Variants in ZHX2 observed in about 807,000 individuals in gnomAD.
ZHX2 encodes zinc fingers and homeoboxes protein 2.
ZHX2 carries 6 observed loss-of-function variants against 21.9 expected under a neutral mutation model. The observed-to-expected ratio is 0.27, with a 90% CI of 0.15 to 0.54. The LOEUF is 0.54. Among genes scored for constraint, ZHX2 ranks in the 20% least tolerant of loss-of-function variants. The pLI, the probability that ZHX2 is intolerant of heterozygous loss-of-function variation, is 0.95. For synonymous variants in ZHX2, 434 were observed against 437.1 expected (o/e 0.99, Z 0.09); for missense variants, 908 against 1,090.7 (o/e 0.83, Z 2.36).
At chr8:122,886,648 C>T (rs776700709) in intron 2 of ZHX2, among the ~76,000 whole-genome samples, 3 of 151,970 alleles carry the variant, frequency 2.0e-5, no homozygotes, top group Non-Finnish European at 2.9e-5. Flanking sequence ...AAAATCAAAG[C>T]GTATTAATTT....
chr8:122,873,737 G>T (rs1481936655), intron 2 of ZHX2, among the ~76,000 whole-genome samples: 4 of 152,186 alleles, frequency 2.6e-5, no homozygotes, highest in African/African-American at 9.6e-5. Flanking sequence ...TCACTGAGCT[G>T]AAGGTGACAA....
intron 2 of ZHX2, among the ~76,000 whole-genome samples, chr8:122,902,263 T>A (rs1315018088): frequency 6.6e-6 from 1 of 152,196 alleles, no homozygotes; most frequent in Non-Finnish European, 1.5e-5. Context: ...TGAGTAAGAT[T>A]GAGTCTTCTC....
At chr8:122,946,149 T>G (rs1011645071) in intron 2 of ZHX2, among the ~76,000 whole-genome samples, 1 of 152,194 alleles carries the variant, frequency 6.6e-6, no homozygotes, top group Non-Finnish European at 1.5e-5. Context: ...TATTTTTTAT[T>G]TTTGCCAACT....
At chr8:122,798,837 T>G (rs1817663024) in intron 1 of ZHX2, among the ~76,000 whole-genome samples, 1 of 151,392 alleles carries the variant, frequency 6.6e-6, no homozygotes, top group South Asian at 2.1e-4. Context: ...AAGTAAGGAC[T>G]CTCTTCAACC....
chr8:122,823,428 G>T (rs1412322015), intron 1 of ZHX2, among the ~76,000 whole-genome samples: 1 of 152,214 alleles, frequency 6.6e-6, no homozygotes, highest in Non-Finnish European at 1.5e-5. Flanking sequence ...AGGGCAGCTG[G>T]GGAGAGTATG....
At chr8:122,915,411 A>T (rs1007253882) in intron 2 of ZHX2, among the ~76,000 whole-genome samples, 5 of 152,156 alleles carry the variant, frequency 3.3e-5, no homozygotes, top group African/African-American at 1.2e-4. Flanking sequence ...TTGGTGTCTC[A>T]CAACCCCAAT....
At chr8:122,939,681 CAG>C (rs1812793756) in intron 2 of ZHX2, among the ~76,000 whole-genome samples, 3 of 152,152 alleles carry the variant, frequency 2.0e-5, no homozygotes, top group Non-Finnish European at 4.4e-5. Flanking sequence ...TCTACTAAAA[CAG>C]AGAGGCGAAG....
At chr8:122,792,120 A>G (rs1210611592) in intron 1 of ZHX2, among the ~76,000 whole-genome samples, 4 of 151,990 alleles carry the variant, frequency 2.6e-5, no homozygotes, top group African/African-American at 9.7e-5. Context: ...ATTAGCAGTT[A>G]CTCTCCATTC....
chr8:122,812,901 G>A (rs111325427), intron 1 of ZHX2, among the ~76,000 whole-genome samples: 4 of 152,224 alleles, frequency 2.6e-5, no homozygotes, highest in African/African-American at 9.6e-5. Flanking sequence ...ACTACTCTAA[G>A]AAGTAGGTAC....
Position 122,953,298 on chromosome 8 carries a change from G to T in ZHX2, c.1788G>T (p.Gly596=). Residue 596 remains glycine, a synonymous_variant, in exon 3 of 4, where the codon GGG becomes GGT. Coordinates refer to ENST00000314393, the MANE Select transcript of ZHX2 (RefSeq NM_014943.5). The surrounding 1 kb of genome is among the most constrained non-coding windows in gnomAD (Gnocchi z 4.6). ...AACAAGCTGTCTTGGATTCCATGGG[G>T]TCTGGCAAAAAAGGCCAAGATGTGG... The part of the protein sequence containing the change: ...SMEQAVLDSM[G]SGKKGQDVGA... The T allele has an allele frequency of 6.2e-7, 1 of 1,614,058 alleles. No individual in the cohort carries two copies. The highest frequency in any genetic ancestry group is 1.1e-5 in the South Asian group (1 of 91,070).
chr8:122,831,702 T>C (rs1818381394), intron 1 of ZHX2, among the ~76,000 whole-genome samples: 1 of 152,174 alleles, frequency 6.6e-6, no homozygotes, highest in African/African-American at 2.4e-5. Flanking sequence ...ATGGCAACTT[T>C]TTGCGGGAGC....
intron 1 of ZHX2, among the ~76,000 whole-genome samples, chr8:122,796,970 C>G (rs1263778147): frequency 2.6e-5 from 4 of 152,296 alleles, no homozygotes; most frequent in East Asian, 3.9e-4. Context: ...CAGGCAGATG[C>G]AGGCCGGCCA....
intron 1 of ZHX2, among the ~76,000 whole-genome samples, chr8:122,850,759 C>T (rs181602610): frequency 1.2e-4 from 19 of 152,018 alleles, no homozygotes; most frequent in Admixed American, 4.6e-4. Context: ...TGCACATACC[C>T]GTGACTGTCT....
At chr8:122,869,008 A>G (rs1819367888) in intron 2 of ZHX2, among the ~76,000 whole-genome samples, 1 of 152,214 alleles carries the variant, frequency 6.6e-6, no homozygotes, top group East Asian at 1.9e-4. Context: ...AAGGCAGACA[A>G]CAGACAAGTG....
In ZHX2 at chr8:122,828,429, A is replaced by ACT. The variant is rs1818306736; in HGVS notation, c.-282-35048_-282-35047insCT. Among the ~76,000 whole-genome samples, 1 of 152,240 alleles carries ACT rather than the reference A, an allele frequency of 6.6e-6. No individual in the cohort carries two copies. The highest frequency in any genetic ancestry group is 1.9e-4 in the East Asian group (1 of 5,200). ...CTTATGCTGGCTGAGCATAAGGGTC[A>ACT]TTACGTGGTCACTATGTGGATAAGA... On this transcript the variant is annotated intron_variant, in intron 1 of 3. Transcript: ENST00000314393. The surrounding 1 kb of genome is among the most constrained non-coding windows in gnomAD (Gnocchi z 5.2).
chr8:122,814,190 C>T (rs971562535), intron 1 of ZHX2, among the ~76,000 whole-genome samples: 9 of 152,164 alleles, frequency 5.9e-5, no homozygotes, highest in African/African-American at 1.9e-4. Flanking sequence ...AGAGCCAAGG[C>T]AGCTTCCTGG....
chr8:122,945,626 G>A (rs1026087423), intron 2 of ZHX2, among the ~76,000 whole-genome samples: 3 of 152,062 alleles, frequency 2.0e-5, no homozygotes, highest in Non-Finnish European at 4.4e-5. Flanking sequence ...CTCCAGGATC[G>A]TTTCCATGTA....
chr8:122,887,188 A>T (rs1586361495), intron 2 of ZHX2, among the ~76,000 whole-genome samples: 4 of 151,596 alleles, frequency 2.6e-5, no homozygotes, highest in African/African-American at 9.7e-5. Context: ...ACAGATGGAG[A>T]TGGAGTGGTG....
chr8:122,825,839 A>T (rs1242851410), intron 1 of ZHX2, among the ~76,000 whole-genome samples: 2 of 152,132 alleles, frequency 1.3e-5, no homozygotes, highest in Admixed American at 6.5e-5. Flanking sequence ...CGCTGCACCA[A>T]CCCCTTTGGA....
Sources: gnomAD v4.1 joint callset for allele counts (sites outside exome capture counted in the v4.1 genomes callset) on GRCh38, gnomAD v4.1.1 for gene constraint, Gnocchi (gnomAD v3.1) non-coding constraint, MANE v1.5 for transcripts, NCBI Gene and HGNC (gene_info 2026-07-23, HGNC 2026-07-21) for gene names.